The following GPC5 variants were observed in gnomAD, a reference collection of about 807,000 sequenced individuals.
The protein encoded by GPC5 is glypican 5, also known as glypican-5.
In GPC5, 47 loss-of-function variants were observed where a neutral mutation model predicts 53.9. That is an observed-to-expected ratio of 0.87 (90% CI 0.69 to 1.11). GPC5 has a LOEUF of 1.11. GPC5 is among the 50% of genes most tolerant of loss of function. GPC5 has a pLI of 0.00. For synonymous variants in GPC5, 286 were observed against 263.3 expected (o/e 1.09, Z -0.84); for missense variants, 748 against 713.1 (o/e 1.05, Z -0.56).
At chr13:92,353,514 T>G (rs2043498000) in intron 7 of GPC5, among the ~76,000 whole-genome samples, 1 of 152,162 alleles carries the variant, frequency 6.6e-6, no homozygotes, top group African/African-American at 2.4e-5. Context: ...GATTCTCAAT[T>G]TGTCTCAGAT....
chr13:92,739,040 A>C (rs1016409729), intron 7 of GPC5, among the ~76,000 whole-genome samples: 26 of 152,112 alleles, frequency 1.7e-4, no homozygotes, highest in African/African-American at 5.8e-4. Context: ...GCTGGCTATA[A>C]TCAATTTTCG....
intron 7 of GPC5, among the ~76,000 whole-genome samples, chr13:92,613,391 A>G (rs1394593010): frequency 1.4e-5 from 1 of 69,004 alleles, no homozygotes; most frequent in Admixed American, 2.6e-4. Flanking sequence ...TATATTATAT[A>G]TAAATATATA....
chr13:92,773,168 A>G (rs1486430326), intron 7 of GPC5, among the ~76,000 whole-genome samples: 1 of 152,146 alleles, frequency 6.6e-6, no homozygotes, highest in African/African-American at 2.4e-5. Context: ...AGTATAATAT[A>G]TTGCTTCTGA....
intron 2 of GPC5, among the ~76,000 whole-genome samples, chr13:91,500,392 A>G (rs979759688): frequency 1.3e-5 from 2 of 152,230 alleles, no homozygotes; most frequent in African/African-American, 4.8e-5. Flanking sequence ...GATATTTCCT[A>G]CTGGAGAATC....
intron 7 of GPC5, among the ~76,000 whole-genome samples, chr13:92,463,655 A>T (rs1878580724): frequency 6.6e-6 from 1 of 152,126 alleles, no homozygotes; most frequent in African/African-American, 2.4e-5. Flanking sequence ...ATACTGTGTA[A>T]TTCTTCCTTG....
chr13:92,763,554 A>G (rs570677424), intron 7 of GPC5, among the ~76,000 whole-genome samples: 1 of 152,154 alleles, frequency 6.6e-6, no homozygotes, highest in African/African-American at 2.4e-5. Context: ...ACAGCCCACA[A>G]GCTGCTGCAG....
intron 5 of GPC5, among the ~76,000 whole-genome samples, chr13:91,882,133 G>T (rs536955062): frequency 6.6e-6 from 1 of 151,892 alleles, no homozygotes; most frequent in African/African-American, 2.4e-5. Flanking sequence ...TGAGGAGGGT[G>T]ATATGGGGGT....
intron 7 of GPC5, among the ~76,000 whole-genome samples, chr13:92,362,242 A>G (rs2043573875): frequency 6.6e-6 from 1 of 151,640 alleles, no homozygotes; most frequent in Non-Finnish European, 1.5e-5. Context: ...TTTTTATTAG[A>G]CTGTAAGAAT....
rs112235850 is a variant in GPC5, at chr13:92,223,636, C to G, written c.1561+78647C>G. Among the ~76,000 whole-genome samples the G allele has an allele frequency of 2.0e-3, 295 of 150,106 alleles. 2 individuals are homozygous for G. Among genetic ancestry groups the G allele is most frequent in the African/African-American group, 6.8e-3 (280 of 40,882 alleles). ...CCTCATTGATTTTTTTTTTTCAAAA[C>G]CTTTGGATGCTTCACTTAGTATAAT... On this transcript the variant is annotated intron_variant, in intron 7 of 7. Coordinates refer to ENST00000377067, the MANE Select transcript of GPC5 (RefSeq NM_004466.6).
At chr13:92,117,447 G>T (rs1174465424) in intron 6 of GPC5, among the ~76,000 whole-genome samples, 2 of 151,966 alleles carry the variant, frequency 1.3e-5, no homozygotes, top group Non-Finnish European at 2.9e-5. Flanking sequence ...TTTAAAAATT[G>T]CTTTTGTTAA....
At chr13:91,773,466 A>G (rs1040217030) in intron 5 of GPC5, among the ~76,000 whole-genome samples, 3 of 152,194 alleles carry the variant, frequency 2.0e-5, no homozygotes, top group Admixed American at 2.0e-4. Context: ...AAAAAAATCT[A>G]GAAGGAAAAT....
At chr13:91,638,980 G>T (rs1566572931) in intron 2 of GPC5, among the ~76,000 whole-genome samples, 1 of 152,136 alleles carries the variant, frequency 6.6e-6, no homozygotes, top group Non-Finnish European at 1.5e-5. Context: ...AGAAAGTAAA[G>T]ATAAATGTGA....
intron 2 of GPC5, among the ~76,000 whole-genome samples, chr13:91,585,939 G>C (rs952133241): frequency 1.3e-5 from 2 of 151,812 alleles, no homozygotes; most frequent in East Asian, 3.9e-4. Flanking sequence ...TTCTTGGCTG[G>C]CCTGAGGGTA....
chr13:92,527,108 A>AAAAAGAAAGAAAG (rs1555287009), intron 7 of GPC5, among the ~76,000 whole-genome samples: 6 of 39,024 alleles, frequency 1.5e-4, no homozygotes, highest in African/African-American at 4.8e-4. Flanking sequence ...AAAGAAAGAA[A>AAAAAGAAAGAAAG]AAAGAAAGAA....
chr13:91,475,039 A>G (rs1882852398), intron 2 of GPC5, among the ~76,000 whole-genome samples: 2 of 152,194 alleles, frequency 1.3e-5, no homozygotes, highest in Non-Finnish European at 2.9e-5. Flanking sequence ...GAACGTTACT[A>G]TAACTTAAAA....
chr13:92,214,846 GAGAC>G (rs2042398775), intron 7 of GPC5, among the ~76,000 whole-genome samples: 1 of 152,172 alleles, frequency 6.6e-6, no homozygotes, highest in African/African-American at 2.4e-5. Flanking sequence ...AGAGAGAGAA[GAGAC>G]AGACAGCTCC....
intron 6 of GPC5, chr13:91,995,603 A>G (rs1480935060): frequency 1.3e-5 from 2 of 152,222 alleles, no homozygotes; most frequent in East Asian, 3.9e-4. Flanking sequence ...TAAAGCACTC[A>G]AAATAATGCC....
intron 7 of GPC5, among the ~76,000 whole-genome samples, chr13:92,261,267 C>T (rs550748518): frequency 3.5e-4 from 54 of 152,258 alleles, no homozygotes; most frequent in African/African-American, 1.3e-3. Context: ...GCTAGCATAA[C>T]CTCAAGTGAC....
intron 2 of GPC5, among the ~76,000 whole-genome samples, chr13:91,685,088 A>G (rs974423419): frequency 1.3e-5 from 2 of 152,074 alleles, no homozygotes; most frequent in African/African-American, 4.8e-5. Context: ...AAAATGGCCA[A>G]TCTCAGCCTG....
Sources: allele counts gnomAD v4.1 joint callset (sites outside exome capture counted in the v4.1 genomes callset), GRCh38; gene constraint gnomAD v4.1.1; transcripts MANE v1.5; gene names NCBI Gene and HGNC (gene_info 2026-07-23, HGNC 2026-07-21).